The following DMXL1 variants were observed in gnomAD, a reference collection of about 807,000 sequenced individuals.
The protein encoded by DMXL1 is dmX-like protein 1.
In DMXL1, 99 loss-of-function variants were observed where a neutral mutation model predicts 319.2. That is an observed-to-expected ratio of 0.31 (90% confidence interval 0.26 to 0.37). DMXL1 has a LOEUF of 0.37. DMXL1 is among the 10% of genes least tolerant of loss of function. DMXL1 has a pLI of 1.00. For synonymous variants in DMXL1, 1,385 were observed against 1,235.2 expected, an observed-to-expected ratio of 1.12 and a Z score of -2.54; for missense variants, 3,745 against 3,595.6, an observed-to-expected ratio of 1.04 and a Z score of -1.06.
intron 30 of DMXL1, among the ~76,000 whole-genome samples, chr5:119,195,405 TA>T (rs1422364602): frequency 6.6e-6 from 1 of 152,216 alleles, no homozygotes; most frequent in African/African-American, 2.4e-5. Context: ...AACGGAGTAT[TA>T]TTCAGCCTTA....
At chr5:119,215,903 C>G (rs1298639331) in intron 34 of DMXL1, among the ~76,000 whole-genome samples, 1 of 151,764 alleles carries the variant, frequency 6.6e-6, no homozygotes, top group Non-Finnish European at 1.5e-5. Context: ...CCAGACCAGC[C>G]TGGCCAAAAT....
In DMXL1 at chr5:119,142,472, A is replaced by G. The variant is rs151127082; in HGVS notation, c.2377-1369A>G. Among the ~76,000 whole-genome samples, 164 of 151,572 alleles carry G rather than the reference A, an allele frequency of 1.1e-3. No homozygotes were observed. The East Asian group carries it at 0.018, about 17-fold the overall frequency. The stretch of plus-strand genomic sequence containing the variant: ...TAGAGAAATGCAGATAAAAACCGCA[A>G]TGTGGCACCATCTCACACCAGTCAG... On this transcript the variant is annotated intron_variant, in intron 13 of 43. Coordinates refer to ENST00000539542, the MANE Select transcript of DMXL1 (RefSeq NM_001290321.3).
At chr5:119,110,447 C>G (rs1580753767) in intron 5 of DMXL1, among the ~76,000 whole-genome samples, 164 bp downstream of exon 5, 1 of 152,184 alleles carries the variant, frequency 6.6e-6, no homozygotes, top group African/African-American at 2.4e-5. Flanking sequence ...TTCCCGTGTT[C>G]TACAAATACA....
At chr5:119,166,908 C>A (rs897004511) in intron 22 of DMXL1, 127 bp downstream of exon 22, 2 of 685,342 alleles carry the variant, frequency 2.9e-6, no homozygotes, top group African/African-American at 1.9e-5. Context: ...TCTGAAATAA[C>A]TGTTAATATT....
In DMXL1 at chr5:119,233,006, C is replaced by A. The variant is rs116597077; in HGVS notation, c.8339-334C>A. The stretch of plus-strand genomic sequence containing the variant: ...TAGTATAATAAGGATTGATTCTAAC[C>A]TAAGAATTTCTTATAATGAGTAATA... On this transcript the variant is annotated intron_variant, in intron 38 of 43. Transcript: ENST00000539542. Among the ~76,000 whole-genome samples, 596 of 150,894 alleles carry A rather than the reference C, an allele frequency of 3.9e-3. 5 individuals carry two copies. Among genetic ancestry groups the A allele is most frequent in the African/African-American group, 0.014 (579 of 41,188 alleles).
intron 28 of DMXL1, chr5:119,178,774 T>C (rs1776287609): frequency 7.0e-6 from 3 of 428,124 alleles, no homozygotes; most frequent in Non-Finnish European, 9.4e-6. Flanking sequence ...GGGACAGTTT[T>C]ATTTTGTTTG....
chr5:119,173,063 G>C (rs1475801178), intron 25 of DMXL1, among the ~76,000 whole-genome samples: 1 of 152,168 alleles, frequency 6.6e-6, no homozygotes, highest in Non-Finnish European at 1.5e-5. Flanking sequence ...CCTGAGGCCA[G>C]TGTGGTGGTT....
intron 32 of DMXL1, among the ~76,000 whole-genome samples, chr5:119,200,756 T>A (rs1354842926): frequency 6.6e-6 from 1 of 152,144 alleles, no homozygotes; most frequent in East Asian, 1.9e-4. Flanking sequence ...TTGCACAGTG[T>A]TTTGTAATTA....
intron 25 of DMXL1, among the ~76,000 whole-genome samples, chr5:119,174,900 G>GAA (rs1775492175): frequency 6.6e-6 from 1 of 152,214 alleles, no homozygotes; most frequent in South Asian, 2.1e-4. Flanking sequence ...TTATCAGGCT[G>GAA]TTTCTTCACA....
At chr5:119,198,085 T>C (rs970121262) in intron 32 of DMXL1, 129 bp downstream of exon 32, 4 of 796,548 alleles carry the variant, frequency 5.0e-6, no homozygotes, top group Non-Finnish European at 8.1e-6. Flanking sequence ...GCCTCCTGGG[T>C]TCAAGTGATT....
At chr5:119,094,121 A>G (rs1169117273) in intron 1 of DMXL1, among the ~76,000 whole-genome samples, 1 of 152,238 alleles carries the variant, frequency 6.6e-6, no homozygotes, top group Non-Finnish European at 1.5e-5. Context: ...GTGAAAGAAC[A>G]GATTTTAAAG....
chr5:119,212,908 A>G (rs540759329), intron 34 of DMXL1, among the ~76,000 whole-genome samples: 2 of 152,208 alleles, frequency 1.3e-5, no homozygotes, highest in African/African-American at 2.4e-5. Flanking sequence ...CATGGAATCA[A>G]TCAGTCACTT....
intron 21 of DMXL1, 106 bp from the exon 22 acceptor site, chr5:119,166,510 C>T (rs1013839291): frequency 1.5e-5 from 13 of 884,116 alleles, no homozygotes; most frequent in Non-Finnish European, 2.3e-5. Context: ...TATGAACTGG[C>T]AGATGTTTCT....
intron 9 of DMXL1, among the ~76,000 whole-genome samples, chr5:119,124,201 G>C (rs1580849542): frequency 1.3e-5 from 2 of 151,816 alleles, no homozygotes; most frequent in East Asian, 3.9e-4. Context: ...TGTAGTCCCA[G>C]CTACTTGGGA....
intron 7 of DMXL1, among the ~76,000 whole-genome samples, chr5:119,117,228 A>G (rs1260949644): frequency 1.3e-5 from 2 of 151,836 alleles, no homozygotes; most frequent in Admixed American, 6.6e-5. Flanking sequence ...TTTTGTAGAG[A>G]TGGGGTTTTG....
chr5:119,228,084 A>C (rs1342601594), intron 38 of DMXL1, among the ~76,000 whole-genome samples: 4 of 152,228 alleles, frequency 2.6e-5, no homozygotes, highest in Non-Finnish European at 4.4e-5. Context: ...TTCTTCAATA[A>C]GTTATTCAGC....
chr5:119,142,393 A>G (rs549958497), intron 13 of DMXL1, among the ~76,000 whole-genome samples: 7 of 152,202 alleles, frequency 4.6e-5, no homozygotes, highest in Non-Finnish European at 1.0e-4. Flanking sequence ...GCACTTTTCA[A>G]AAGAAGACAT....
intron 1 of DMXL1, among the ~76,000 whole-genome samples, chr5:119,078,192 C>T (rs1179140709): frequency 6.6e-6 from 1 of 152,096 alleles, no homozygotes; most frequent in African/African-American, 2.4e-5. Context: ...GTTGCCAGGG[C>T]TAGTCTGGAA....
At chr5:119,167,906 T>C (rs1773754362) in intron 23 of DMXL1, 42 bp downstream of exon 23, 7 of 1,572,178 alleles carry the variant, frequency 4.5e-6, no homozygotes, top group Middle Eastern at 3.7e-4. Flanking sequence ...AGAATATTAT[T>C]GGTAATTGCT....
Sources: allele counts gnomAD v4.1 joint callset (sites outside exome capture counted in the v4.1 genomes callset), GRCh38; gene constraint gnomAD v4.1.1; transcripts MANE v1.5; gene names NCBI Gene and HGNC (gene_info 2026-07-23, HGNC 2026-07-21).